The following SGK2 variants were observed in gnomAD, a reference collection of about 807,000 sequenced individuals.
The protein encoded by SGK2 is serum/glucocorticoid regulated kinase 2, also known as serine/threonine-protein kinase Sgk2.
SGK2 carries 36 observed loss-of-function variants against 47.5 expected under a neutral mutation model. The observed-to-expected ratio is 0.76, with a 90% CI of 0.58 to 1.00. SGK2 has a LOEUF of 1.00. SGK2 is among the 50% of genes least tolerant of loss of function. SGK2 has a pLI of 0.00. For synonymous variants in SGK2, 157 were observed against 181.9 expected, an observed-to-expected ratio of 0.86 and a Z score of 1.10; for missense variants, 404 against 467.4, an observed-to-expected ratio of 0.86 and a Z score of 1.25.
At chr20:43,569,783 A>C in intron 6 of SGK2, 1 of 433,320 alleles carries the variant, frequency 2.3e-6, no homozygotes, top group Non-Finnish European at 4.3e-6. Flanking sequence ...AGTTGCCCAT[A>C]GACGCACTTT....
At chr20:43,559,664 G>C (rs576761417) in intron 1 of SGK2, among the ~76,000 whole-genome samples, 3 of 152,334 alleles carry the variant, frequency 2.0e-5, no homozygotes, top group East Asian at 3.9e-4. Context: ...AAGTTACAGT[G>C]AAGACAGGGA....
Position 43,572,308 on chromosome 20 carries a change from G to A in SGK2, c.597+171G>A, listed in dbSNP as rs1980192778. Among the ~76,000 whole-genome samples, 1 of 152,226 alleles carries A rather than the reference G, an allele frequency of 6.6e-6. No individual in the cohort carries two copies. The highest frequency in any genetic ancestry group is 2.4e-5 in the African/African-American group (1 of 41,454). ...CCTCATCTATGTAATGGGGGTACCA[G>A]CTCTAGGACTGCTGAGACCCAGCCA... On this transcript the variant is annotated intron_variant, in intron 9 of 12. Transcript: ENST00000373100. This position sits in a 1 kb window ranked among gnomAD's most constrained non-coding sequence, Gnocchi z 4.2.
Position 43,572,224 on chromosome 20 carries a change from G to A in SGK2, c.597+87G>A, listed in dbSNP as rs1471059170. 7 of 1,001,016 alleles carry A rather than the reference G, an allele frequency of 7.0e-6. No individual in the cohort carries two copies. The highest frequency in any genetic ancestry group is 1.1e-5 in the Non-Finnish European group (7 of 651,974). 62.0% of individuals were successfully genotyped at this position (1,001,016 alleles called of 1,614,324 possible). On this transcript the variant is annotated intron_variant, in intron 9 of 12. Transcript: ENST00000373100. The surrounding 1 kb of genome is among the most constrained non-coding windows in gnomAD (Gnocchi z 4.2). ...AGAGCCAACAGGTTACAGTGAAGGG[G>A]ACTCACTCCTTTGACCCAAACACTT...
At chr20:43,564,895 A>C (rs1979596544) in intron 1 of SGK2, 2 of 152,930 alleles carry the variant, frequency 1.3e-5, no homozygotes, top group African/African-American at 4.8e-5. Context: ...AGCCACAGAC[A>C]GACACACACG....
intron 2 of SGK2, 117 bp from the exon 3 acceptor site, chr20:43,566,951 A>G (rs1979768474): frequency 2.6e-6 from 2 of 777,850 alleles, no homozygotes; most frequent in Admixed American, 2.6e-5. Context: ...AAAAAAGAAA[A>G]GAAAAAGGCA....
At chr20:43,583,644 A>G (rs1212977277) in intron 12 of SGK2, 1 of 981,656 alleles carries the variant, frequency 1.0e-6, no homozygotes, top group East Asian at 1.1e-4. Flanking sequence ...TTGGTGTATA[A>G]CAAGCAACTC....
At chr20:43,583,283 A>G (rs758710307) in intron 12 of SGK2, 7 of 1,289,818 alleles carry the variant, frequency 5.4e-6, no homozygotes, top group Non-Finnish European at 6.1e-6. Context: ...AGAACCATAC[A>G]TGGAATACTA....
In SGK2 at chr20:43,569,532, G is replaced by A. The variant is rs746281463; in HGVS notation, c.360+16G>A. Reference sequence around the variant, plus strand: ...CGGGGGAGAGGTGGGTGGGCCCACAGGGAGGCTTCCCTGGGCTGGCTCTCG... The same window carrying A: ...CGGGGGAGAGGTGGGTGGGCCCACAAGGAGGCTTCCCTGGGCTGGCTCTCG... On this transcript the variant is annotated intron_variant, in intron 6 of 12. Transcript: ENST00000373100. 1.9e-6 allele frequency: 3 copies of A among 1,611,236 alleles called. No homozygotes were observed.
chr20:43,565,618 G>A (rs2145531436), intron 1 of SGK2: 1 of 152,332 alleles, frequency 6.6e-6, no homozygotes, highest in South Asian at 2.1e-4. Context: ...GCCCCACAGT[G>A]GGCCAAGACT....
At position 43,584,266 on chromosome 20, in the gene SGK2, A is replaced by C. The variant is rs968920413; in HGVS notation, c.940-586A>C. ...CAATTTTCAAGCCTCTGCTTGTGTC[A>C]TATTTGGTAATGTCCCATTGGCCTA... On this transcript the variant is annotated intron_variant, in intron 12 of 12. Transcript: ENST00000373100. Among the ~76,000 whole-genome samples, 6 of 152,232 alleles carry C rather than the reference A, an allele frequency of 3.9e-5. No individual in the cohort carries two copies. In the East Asian group the frequency reaches 1.2e-3, roughly 29 times the overall value.
At chr20:43,573,993 T>A (rs1980315612) in intron 9 of SGK2, among the ~76,000 whole-genome samples, 1 of 152,142 alleles carries the variant, frequency 6.6e-6, no homozygotes, top group Non-Finnish European at 1.5e-5. Context: ...GTTGCTCCCA[T>A]TGTTTGAGGG....
chr20:43,566,023 T>C, intron 1 of SGK2: 1 of 302,838 alleles, frequency 3.3e-6, no homozygotes, highest in Non-Finnish European at 6.1e-6. Context: ...GAGCCCAGCC[T>C]GTGCTTCACA....
chr20:43,584,456 C>T (rs920261516), intron 12 of SGK2, among the ~76,000 whole-genome samples: 6 of 152,140 alleles, frequency 3.9e-5, no homozygotes, highest in Non-Finnish European at 8.8e-5. Context: ...CCTATTTTCT[C>T]TTCTTCATAG....
rs949003018 is a variant in SGK2 at position 43,572,557 on chromosome 20, G to T, written c.597+420G>T. On this transcript the variant is annotated intron_variant, in intron 9 of 12. Transcript: ENST00000373100. This position sits in a 1 kb window ranked among gnomAD's most constrained non-coding sequence, Gnocchi z 4.2. ...CTGGGCACGGTGACGGGCACCTATAGTCCCAGCTACTCGGGAGGCTGAGGC... is the reference window on the plus strand; with the variant it reads ...CTGGGCACGGTGACGGGCACCTATATTCCCAGCTACTCGGGAGGCTGAGGC... Among the ~76,000 whole-genome samples, 2 of 152,092 alleles carry T rather than the reference G, an allele frequency of 1.3e-5. No homozygotes were observed. Among genetic ancestry groups the T allele is most frequent in the South Asian group, 2.1e-4 (1 of 4,830 alleles).
At chr20:43,571,975 C>G in intron 8 of SGK2, 76 bp from the exon 9 acceptor site, 1 of 1,058,170 alleles carries the variant, frequency 9.5e-7, no homozygotes, top group South Asian at 1.4e-5. Flanking sequence ...GGTGTGGCAT[C>G]TGGGCTTTGG....
chr20:43,562,691 G>A (rs1979465841), intron 1 of SGK2, among the ~76,000 whole-genome samples: 1 of 152,140 alleles, frequency 6.6e-6, no homozygotes, highest in Non-Finnish European at 1.5e-5. Context: ...AGTTAGCCAA[G>A]ATTGTGCCAT....
rs1334473901 is a variant in SGK2, at chr20:43,569,593, C to T, written c.360+77C>T. On this transcript the variant is annotated intron_variant, in intron 6 of 12. Coordinates refer to ENST00000373100, the MANE Select transcript of SGK2 (RefSeq NM_170693.3). ...GTCCATCCCACATGCCCACTGCATG[C>T]CAAGTTCTGGAATGATCTCACTTCA... The T allele has an allele frequency of 7.9e-6, 12 of 1,527,056 alleles. No individual in the cohort carries two copies. The African/African-American group carries it at 1.5e-4, about 19-fold the overall frequency. 94.6% of individuals were successfully genotyped at this position (1,527,056 alleles called of 1,614,324 possible). A position where few individuals can be genotyped will look rare whatever the true frequency, so the allele number is the denominator to read the frequency against.
rs531656011 is a variant in SGK2, at chr20:43,576,710, C to T, written c.849+331C>T. ...ATCCCAGCACTTTGGGAGGCCAGAA[C>T]GGGTGGATCACCTGAAGTCAGAAGT... On this transcript the variant is annotated intron_variant, in intron 11 of 12. Transcript: ENST00000373100. 9.2e-5 allele frequency among the ~76,000 whole-genome samples: 14 copies of T among 152,338 alleles called. No homozygotes were observed. The South Asian group carries it at 1.0e-3, about 11-fold the overall frequency.
At chr20:43,560,328 G>A (rs534459013) in intron 1 of SGK2, among the ~76,000 whole-genome samples, 2 of 152,020 alleles carry the variant, frequency 1.3e-5, no homozygotes, top group Admixed American at 6.6e-5. Flanking sequence ...GTGGAACCTC[G>A]TCTCGACTAA....
Sources: gnomAD v4.1 joint callset for allele counts (sites outside exome capture counted in the v4.1 genomes callset) on GRCh38, gnomAD v4.1.1 for gene constraint, Gnocchi (gnomAD v3.1) non-coding constraint, MANE v1.5 for transcripts, NCBI Gene and HGNC (gene_info 2026-07-23, HGNC 2026-07-21) for gene names.